The following TENT4B variants were observed in gnomAD, a reference collection of about 807,000 sequenced individuals.
TENT4B encodes the protein PAP associated domain containing 5.
TENT4B carries 10 observed loss-of-function variants against 75.0 expected under a neutral mutation model. That is an observed-to-expected ratio of 0.13 (90% CI 0.08 to 0.23). The LOEUF (loss-of-function observed/expected upper bound fraction) is 0.23, where lower values mean the gene tolerates loss of function less well. TENT4B is among the 10% of genes least tolerant of loss of function. The probability of loss-of-function intolerance (pLI) is 1.00; values close to 1 mark genes in which losing one functional copy is unlikely to be tolerated. For synonymous variants in TENT4B, 350 were observed against 357.7 expected (o/e 0.98, Z 0.24); for missense variants, 579 against 893.8 (o/e 0.65, Z 4.49).
intron 1 of TENT4B, among the ~76,000 whole-genome samples, chr16:50,167,548 C>T (rs1004535183): frequency 2.0e-5 from 3 of 151,042 alleles, no homozygotes; most frequent in Non-Finnish European, 2.9e-5. Context: ...GCTTGTCATA[C>T]GTAAGAAACT....
chr16:50,154,524 C>G (rs569842654), intron 1 of TENT4B, among the ~76,000 whole-genome samples: 1 of 152,020 alleles, frequency 6.6e-6, no homozygotes, highest in South Asian at 2.1e-4. Context: ...CCGTCCACAC[C>G]TTCCCCAGGC....
At chr16:50,182,161 G>A (rs556807813) in intron 1 of TENT4B, among the ~76,000 whole-genome samples, 2 of 152,268 alleles carry the variant, frequency 1.3e-5, no homozygotes, top group East Asian at 1.9e-4. Flanking sequence ...CAGCTACTCA[G>A]TAGGCTGAGG....
chr16:50,218,381 G>T (rs1476550859), intron 5 of TENT4B, among the ~76,000 whole-genome samples: 1 of 151,902 alleles, frequency 6.6e-6, no homozygotes, highest in Non-Finnish European at 1.5e-5. Flanking sequence ...CTGTCACCCG[G>T]GCTGGAGTGC....
rs1596769901 is a variant in TENT4B at position 50,234,238 on chromosome 16, G to A, written c.*4910G>A. On this transcript the variant is annotated 3_prime_UTR_variant, in exon 12 of 12. Transcript: ENST00000561678. ...GGAGGCCGAAGCGGGAGGATGGCTT[G>A]AGGCTGGGAGTTTGAGACCTTCATC... 3 of 985,610 alleles carry A rather than the reference G, an allele frequency of 3.0e-6. No individual in the cohort carries two copies. The highest frequency in any genetic ancestry group is 3.5e-5 in the African/African-American group (2 of 57,366). The allele number at this position is 985,610 out of a possible 1,614,324, so 61.1% of individuals were successfully genotyped here.
At chr16:50,195,870 A>G (rs2030200223) in intron 1 of TENT4B, among the ~76,000 whole-genome samples, 1 of 152,222 alleles carries the variant, frequency 6.6e-6, no homozygotes, top group Admixed American at 6.5e-5. Context: ...ATTCAGGAAT[A>G]AAGATAACTT....
At chr16:50,176,227 TG>T (rs1015226957) in intron 1 of TENT4B, among the ~76,000 whole-genome samples, 14 of 151,576 alleles carry the variant, frequency 9.2e-5, no homozygotes, top group Non-Finnish European at 1.6e-4. Flanking sequence ...GCTGGGATTA[TG>T]GGTGCCCATG....
At chr16:50,186,264 A>C (rs140007732) in intron 1 of TENT4B, among the ~76,000 whole-genome samples, 95 of 151,334 alleles carry the variant, frequency 6.3e-4, no homozygotes, top group Middle Eastern at 6.8e-3. Context: ...ATCTCTATCA[A>C]TTTGCCTCTT....
At chr16:50,206,856 T>C (rs1218208263) in intron 1 of TENT4B, among the ~76,000 whole-genome samples, 3 of 152,068 alleles carry the variant, frequency 2.0e-5, no homozygotes, top group Non-Finnish European at 4.4e-5. Context: ...TCACATAATT[T>C]TGATAGGCTG....
chr16:50,155,942 T>C (rs2037890189), intron 1 of TENT4B, among the ~76,000 whole-genome samples: 1 of 152,164 alleles, frequency 6.6e-6, no homozygotes. Context: ...AAGTCCAAGA[T>C]GCTTATTTTT....
Position 50,225,114 on chromosome 16 carries a change from G to A in TENT4B, c.1629G>A (p.Leu543=). 1.2e-6 allele frequency: 2 copies of A among 1,612,632 alleles called. No individual in the cohort carries two copies. The highest frequency in any genetic ancestry group is 1.7e-6 in the Non-Finnish European group (2 of 1,179,064). Residue 543 remains leucine (L), a synonymous_variant, in exon 10 of 12, where the codon TTG becomes TTA. Transcript: ENST00000561678. ...EPSCNGNGVT[L]IVDTQQLDKC... Reference sequence around the variant, plus strand: ...CTCTTTCAGGAAATGGTGTTACCTTGATAGTAGATACTCAGCAGTTAGATA... The same window carrying A: ...CTCTTTCAGGAAATGGTGTTACCTTAATAGTAGATACTCAGCAGTTAGATA...
intron 1 of TENT4B, among the ~76,000 whole-genome samples, chr16:50,189,786 C>CA (rs2038603837): frequency 1.3e-5 from 2 of 151,804 alleles, no homozygotes; most frequent in Admixed American, 1.3e-4. Context: ...TGTGGTAGCT[C>CA]ACGTAATCCC....
chr16:50,192,632 G>C (rs1234243403), intron 1 of TENT4B, among the ~76,000 whole-genome samples: 1 of 152,134 alleles, frequency 6.6e-6, no homozygotes, highest in Non-Finnish European at 1.5e-5. Context: ...TGTTGAATCT[G>C]TGGTCTCTGT....
chr16:50,217,092 CT>C (rs1417511605), intron 4 of TENT4B, among the ~76,000 whole-genome samples: 1 of 152,076 alleles, frequency 6.6e-6, no homozygotes, highest in African/African-American at 2.4e-5. Context: ...ATTCCTAGTT[CT>C]TCATCTTATA....
chr16:50,186,819 T>C (rs1348450299), intron 1 of TENT4B, among the ~76,000 whole-genome samples: 3 of 152,150 alleles, frequency 2.0e-5, no homozygotes, highest in Non-Finnish European at 1.5e-5. Flanking sequence ...TGACCTCAAG[T>C]GGCACCTGCC....
Position 50,156,979 on chromosome 16 carries a change from T to C in TENT4B, c.638+2720T>C, listed in dbSNP as rs116507093. On this transcript the variant is annotated intron_variant, in intron 1 of 11. Coordinates refer to ENST00000561678, the MANE Select transcript of TENT4B (RefSeq NM_001365324.3). ...CGCCAGTATCCTTATTTCTTAACTT[T>C]AGAAAGTTTTTCTATTTTTAATATA... Among the ~76,000 whole-genome samples the C allele has an allele frequency of 1.8e-3, 279 of 152,284 alleles. 1 individual carries two copies. Among genetic ancestry groups the C allele is most frequent in the African/African-American group, 5.9e-3 (246 of 41,570 alleles).
intron 1 of TENT4B, among the ~76,000 whole-genome samples, chr16:50,156,783 G>A (rs185311486): frequency 3.3e-5 from 5 of 152,144 alleles, no homozygotes; most frequent in African/African-American, 1.2e-4. Context: ...GCTTCCTGGA[G>A]TAGCTGGGAC....
Position 50,233,394 on chromosome 16 carries a change from T to G in TENT4B, c.*4066T>G. The G allele has an allele frequency of 1.0e-6, 1 of 985,424 alleles. No homozygotes were observed. Among genetic ancestry groups the G allele is most frequent in the Non-Finnish European group, 1.2e-6 (1 of 829,908 alleles). The allele number at this position is 985,424 out of a possible 1,614,324, so 61.0% of individuals were successfully genotyped here. On this transcript the variant is annotated 3_prime_UTR_variant, in exon 12 of 12. Transcript: ENST00000561678. ...ATTTAACATAGCTAAGAAGCCAGAT[T>G]TTACTGTAGAAGTTATTTACATGAT...
intron 1 of TENT4B, among the ~76,000 whole-genome samples, chr16:50,166,727 T>G (rs1442909137): frequency 6.7e-6 from 1 of 150,326 alleles, no homozygotes; most frequent in African/African-American, 2.4e-5. Context: ...TCCTCCCACC[T>G]CAGTCAGCAT....
At chr16:50,155,569 A>T (rs766514555) in intron 1 of TENT4B, among the ~76,000 whole-genome samples, 1 of 152,014 alleles carries the variant, frequency 6.6e-6, no homozygotes, top group Non-Finnish European at 1.5e-5. Flanking sequence ...CTACTATTAC[A>T]ACTCCTACCT....
Sources: gnomAD v4.1 joint callset for allele counts (sites outside exome capture counted in the v4.1 genomes callset) on GRCh38, gnomAD v4.1.1 for gene constraint, MANE v1.5 for transcripts, NCBI Gene and HGNC (gene_info 2026-07-23, HGNC 2026-07-21) for gene names.